The following APOH variants were observed in gnomAD, a reference collection of about 807,000 sequenced individuals.
APOH encodes apolipoprotein H.
APOH carries 48 observed loss-of-function variants against 39.8 expected under a neutral mutation model. The ratio of observed to expected loss-of-function variants is 1.21; its 90% CI spans 0.96 to 1.54. APOH has a LOEUF of 1.54. Ranked by LOEUF, APOH falls within the 40% of genes most tolerant of loss-of-function variation. APOH has a pLI of 0.00. For synonymous variants in APOH, 153 were observed against 151.1 expected (o/e 1.01, Z -0.09); for missense variants, 415 against 421.2 (o/e 0.99, Z 0.13).
At chr17:66,227,528 ATAT>A (rs1181462288) in intron 2 of APOH, among the ~76,000 whole-genome samples, 1 of 152,176 alleles carries the variant, frequency 6.6e-6, no homozygotes, top group Non-Finnish European at 1.5e-5. Context: ...ATTTTACGTT[ATAT>A]TATTATTTTA....
At chr17:66,227,285 A>G (rs8178826) in intron 2 of APOH, among the ~76,000 whole-genome samples, 1,714 of 152,328 alleles carry the variant, frequency 0.011, 20 homozygotes, top group Middle Eastern at 0.027. Flanking sequence ...ATCAACTTGC[A>G]TGAACATGCA....
At chr17:66,226,445 C>G (rs1598554521) in intron 2 of APOH, among the ~76,000 whole-genome samples, 3 of 152,184 alleles carry the variant, frequency 2.0e-5, no homozygotes, top group Admixed American at 2.0e-4. Context: ...TGAGACCAGC[C>G]TGAACATGGT....
At chr17:66,226,317 G>A (rs988622474) in intron 2 of APOH, among the ~76,000 whole-genome samples, 193 bp from the exon 3 acceptor site, 3 of 152,156 alleles carry the variant, frequency 2.0e-5, no homozygotes, top group East Asian at 1.9e-4. Flanking sequence ...GTACAAAAGC[G>A]TTCATTATAC....
chr17:66,215,517 GTA>G (rs1360808531), intron 6 of APOH, among the ~76,000 whole-genome samples: 1 of 152,186 alleles, frequency 6.6e-6, no homozygotes, highest in African/African-American at 2.4e-5. Flanking sequence ...TAAATCAACT[GTA>G]CTCGAATCCC....
chr17:66,220,608 C>T lies in APOH; in HGVS notation c.550G>A (p.Asp184Asn), dbSNP rs112244796. 2.2e-5 allele frequency: 36 copies of T among 1,614,174 alleles called. No homozygotes were observed. In the Middle Eastern group the frequency reaches 4.9e-4, roughly 22 times the overall value. ...CLPQHAMFGN[D>N]TITCTTHGNW... ...CCATGTGTCGTGCAGGTAATTGTAT[C>T]ATTTCCAAACATCGCATGTTGTGGC... Residue 184 changes from aspartate to asparagine, a missense_variant, in exon 5 of 8, where the codon GAT becomes AAT. Around this residue, in one of 3 missense-constraint regions of APOH, gnomAD observed 288 missense variants for 284.9 expected, o/e 1.01. Transcript: ENST00000205948.
intron 2 of APOH, among the ~76,000 whole-genome samples, chr17:66,226,470 A>G (rs1234052734): frequency 2.6e-5 from 4 of 152,212 alleles, no homozygotes; most frequent in Non-Finnish European, 5.9e-5. Flanking sequence ...CCCCATCTCT[A>G]CTAAAAATAC....
rs913427021 is a variant in APOH, at chr17:66,228,281, T to C, written c.65-85A>G. 6.3e-6 allele frequency: 9 copies of C among 1,434,768 alleles called. No homozygotes were observed. The Middle Eastern group carries it at 9.0e-4, about 144-fold the overall frequency. 88.9% of individuals were successfully genotyped at this position (1,434,768 alleles called of 1,614,324 possible). A position where few individuals can be genotyped will look rare whatever the true frequency, so the allele number is the denominator to read the frequency against. On this transcript the variant is annotated intron_variant, in intron 1 of 7. Transcript: ENST00000205948. ...TAAGCCCACAAATGAAAAATGTGTG[T>C]ACTGTTACCAATTATAAGCATACCA...
intron 1 of APOH, 57 bp from the exon 2 acceptor site, chr17:66,228,253 A>G (rs1189580760): frequency 1.3e-6 from 2 of 1,557,766 alleles, no homozygotes; most frequent in Non-Finnish European, 1.7e-6. Context: ...TTTAAAGTTC[A>G]GCTAAGCCCA....
At chr17:66,216,483 C>CAA (rs10618003) in intron 6 of APOH, among the ~76,000 whole-genome samples, 2 of 123,072 alleles carry the variant, frequency 1.6e-5, no homozygotes, top group African/African-American at 5.5e-5. Context: ...GACTCCATCT[C>CAA]AAAAAAAAAA....
chr17:66,223,056 A>G (rs1395962040), intron 4 of APOH, among the ~76,000 whole-genome samples: 2 of 152,168 alleles, frequency 1.3e-5, no homozygotes, highest in African/African-American at 4.8e-5. Context: ...CTCTGAAAAA[A>G]CAACAGTGCT....
chr17:66,223,745 T>C lies in APOH; in HGVS notation c.368A>G (p.Lys123Arg), dbSNP rs766663087. The stretch of plus-strand genomic sequence containing the variant: ...GCTCCATTTTCCTTCCTCAGTGCAC[T>C]TGGCAGAATCAGCGCCATTCAGATA... ...GFYLNGADSAKCTEEGKWSPE... is the reference protein window; with the variant it reads ...GFYLNGADSARCTEEGKWSPE... The change falls in exon 4 of 8, where the codon AAG (lysine) becomes AGG (arginine). Residue 123 changes from lysine (K) to arginine (R), a missense_variant. Physicochemically the swap from Lys to Arg is conservative, Grantham distance 26 (BLOSUM62 2). This residue lies in a region of APOH where 288 missense variants were observed against 284.9 expected (regional missense o/e 1.01). Transcript: ENST00000205948. The C allele has an allele frequency of 3.7e-6, 6 of 1,614,070 alleles. No individual in the cohort carries two copies. In the African/African-American group the frequency reaches 6.7e-5, roughly 18 times the overall value.
At chr17:66,227,691 G>T (rs2073448082) in intron 2 of APOH, among the ~76,000 whole-genome samples, 1 of 152,094 alleles carries the variant, frequency 6.6e-6, no homozygotes, top group Admixed American at 6.6e-5. Flanking sequence ...TTTTCCAAAT[G>T]TCTCTTTGGC....
intron 2 of APOH, among the ~76,000 whole-genome samples, chr17:66,226,957 C>T (rs1468870924): frequency 6.6e-6 from 1 of 151,742 alleles, no homozygotes; most frequent in Non-Finnish European, 1.5e-5. Context: ...GGCACAATCT[C>T]AGCTCACTAC....
chr17:66,212,228 A>G (rs8178861), intron 7 of APOH, 40 bp from the exon 8 acceptor site: 17,733 of 1,564,546 alleles, frequency 0.011, 159 homozygotes, highest in Middle Eastern at 0.017. Flanking sequence ...AAGAGAAACA[A>G]TCATTTCTTA....
At chr17:66,222,351 T>A (rs1296211255) in intron 4 of APOH, among the ~76,000 whole-genome samples, 1 of 151,572 alleles carries the variant, frequency 6.6e-6, no homozygotes, top group Non-Finnish European at 1.5e-5. Flanking sequence ...GCCACTGCAC[T>A]CCGGCCTGGG....
chr17:66,224,641 G>C (rs1598553534), intron 3 of APOH, among the ~76,000 whole-genome samples: 1 of 20,036 alleles, frequency 5.0e-5, no homozygotes, highest in African/African-American at 2.3e-4. Context: ...AGGAAGAGAA[G>C]GGAAGGGAAG....
At position 66,217,549 on chromosome 17, in the gene APOH, G is replaced by A. The variant is rs553640285; in HGVS notation, c.605-582C>T. On this transcript the variant is annotated intron_variant, in intron 5 of 7. Coordinates refer to ENST00000205948, the MANE Select transcript of APOH (RefSeq NM_000042.3). ...TGCAGTGCGAGAAAGCAAGGCTGGA[G>A]CCAGGAGCACAATATTCTCAGAGGT... Among the ~76,000 whole-genome samples the A allele has an allele frequency of 3.9e-5, 6 of 152,246 alleles. No homozygotes were observed. In the South Asian group the frequency reaches 6.2e-4, roughly 16 times the overall value.
At chr17:66,224,681 G>GGAAAGGAAAGAAAAGGAAA (rs1567741767) in intron 3 of APOH, among the ~76,000 whole-genome samples, 1 of 30,450 alleles carries the variant, frequency 3.3e-5, no homozygotes, top group Non-Finnish European at 5.8e-5. Flanking sequence ...GGGAAGGGAA[G>GGAAAGGAAAGAAAAGGAAA]GGAAGGGAAG....
chr17:66,214,752 T>G, intron 6 of APOH, 102 bp from the exon 7 acceptor site: 1 of 997,736 alleles, frequency 1.0e-6, no homozygotes, highest in South Asian at 1.4e-5. Flanking sequence ...CTACACAAAT[T>G]GGTCAAGGCA....
Sources: allele counts gnomAD v4.1 joint callset (sites outside exome capture counted in the v4.1 genomes callset), GRCh38; gene constraint gnomAD v4.1.1; regional missense constraint gnomAD v4.1.1; transcripts MANE v1.5; gene names NCBI Gene and HGNC (gene_info 2026-07-23, HGNC 2026-07-21).